The following CCSER1 variants were observed in gnomAD, a reference collection of about 807,000 sequenced individuals.
CCSER1 encodes coiled-coil serine rich protein 1, also known as serine-rich coiled-coil domain-containing protein 1.
CCSER1 carries 41 observed loss-of-function variants against 82.0 expected under a neutral mutation model. The ratio of observed to expected loss-of-function variants is 0.50; its 90% CI spans 0.39 to 0.65. The LOEUF (loss-of-function observed/expected upper bound fraction) is 0.65, where lower values mean the gene tolerates loss of function less well. Ranked by LOEUF, CCSER1 falls within the 30% of genes least tolerant of loss-of-function variation. CCSER1 has a pLI of 0.00. For missense variants in CCSER1, 1,119 were observed against 1,064.2 expected, an observed-to-expected ratio of 1.05 and a Z score of -0.72; for synonymous variants, 414 against 383.9, an observed-to-expected ratio of 1.08 and a Z score of -0.92.
chr4:91,192,259 A>G (rs546305809), intron 10 of CCSER1, among the ~76,000 whole-genome samples: 58 of 151,546 alleles, frequency 3.8e-4, no homozygotes, highest in African/African-American at 1.2e-3. Context: ...TCCTTTGGCT[A>G]TTTTCTCACC....
At chr4:91,023,449 C>T (rs896884866) in intron 9 of CCSER1, among the ~76,000 whole-genome samples, 3 of 152,040 alleles carry the variant, frequency 2.0e-5, no homozygotes, top group African/African-American at 7.2e-5. Flanking sequence ...GTACTGGTAC[C>T]AAAACAGAGA....
At chr4:91,225,982 C>A (rs766775405) in intron 10 of CCSER1, among the ~76,000 whole-genome samples, 12 of 151,768 alleles carry the variant, frequency 7.9e-5, no homozygotes, top group East Asian at 1.9e-4. Flanking sequence ...AGTTGACAGA[C>A]AAAAACATTA....
At chr4:90,252,956 C>T (rs537174705) in intron 1 of CCSER1, among the ~76,000 whole-genome samples, 116 of 151,966 alleles carry the variant, frequency 7.6e-4, no homozygotes, top group African/African-American at 2.7e-3. Context: ...AATGTGGCTC[C>T]TGTAGAAGGC....
chr4:90,970,563 G>A (rs1182862392), intron 9 of CCSER1, among the ~76,000 whole-genome samples: 1 of 151,760 alleles, frequency 6.6e-6, no homozygotes, highest in African/African-American at 2.4e-5. Flanking sequence ...ATTAAATAAG[G>A]AAACAACAGA....
chr4:90,347,726 C>A (rs534422773), intron 3 of CCSER1, among the ~76,000 whole-genome samples: 6 of 151,946 alleles, frequency 3.9e-5, no homozygotes, highest in Admixed American at 1.3e-4. Context: ...GGCAGAGTAA[C>A]TGATAGAAGA....
intron 3 of CCSER1, among the ~76,000 whole-genome samples, chr4:90,333,682 G>A (rs999398242): frequency 2.0e-5 from 3 of 152,144 alleles, no homozygotes; most frequent in African/African-American, 7.2e-5. Flanking sequence ...GTTTAAAAAT[G>A]ATTTTTTACA....
rs574619805 is a variant in CCSER1 at position 90,284,752 on chromosome 4, C to T, written c.-41-23492C>T. 3.3e-5 allele frequency among the ~76,000 whole-genome samples: 5 copies of T among 152,042 alleles called. No individual in the cohort carries two copies. The South Asian group carries it at 1.0e-3, about 32-fold the overall frequency. On this transcript the variant is annotated intron_variant, in intron 1 of 10. Coordinates refer to ENST00000509176, the MANE Select transcript of CCSER1 (RefSeq NM_001145065.2). ...AAGCAATCTGCCCACCTTGGCCTCCCAAAATGCTGGGATTACAGGCATGAG... is the reference window on the plus strand; with the variant it reads ...AAGCAATCTGCCCACCTTGGCCTCCTAAAATGCTGGGATTACAGGCATGAG...
At chr4:90,238,137 A>G (rs546142274) in intron 1 of CCSER1, among the ~76,000 whole-genome samples, 2 of 152,282 alleles carry the variant, frequency 1.3e-5, no homozygotes, top group South Asian at 4.1e-4. Context: ...CATTGTTTGT[A>G]AAAAAATGAT....
intron 10 of CCSER1, among the ~76,000 whole-genome samples, chr4:91,310,241 C>G (rs1745373922): frequency 6.6e-6 from 1 of 151,796 alleles, no homozygotes. Context: ...GATTGGCTGC[C>G]ATTTTATTAT....
intron 4 of CCSER1, among the ~76,000 whole-genome samples, chr4:90,408,355 C>T (rs186597141): frequency 0.01 from 1,545 of 152,312 alleles, 17 homozygotes; most frequent in South Asian, 0.03. Flanking sequence ...TCCCTGACCC[C>T]CGAGTAGCCT....
At chr4:90,365,878 G>C (rs769396531) in intron 3 of CCSER1, among the ~76,000 whole-genome samples, 2 of 151,882 alleles carry the variant, frequency 1.3e-5, no homozygotes, top group Non-Finnish European at 3.0e-5. Flanking sequence ...ATACATGTGA[G>C]ATTATCTTTG....
At chr4:90,750,723 C>A (rs1338035623) in intron 7 of CCSER1, among the ~76,000 whole-genome samples, 1 of 152,088 alleles carries the variant, frequency 6.6e-6, no homozygotes. Flanking sequence ...ATACTGTACA[C>A]ATGATCATAA....
At chr4:91,461,007 A>G (rs80032570) in intron 10 of CCSER1, among the ~76,000 whole-genome samples, 18,602 of 152,210 alleles carry the variant, frequency 0.12, 1,234 homozygotes, top group Middle Eastern at 0.2. Flanking sequence ...GATGTCTCCA[A>G]GACCATGAGT....
At chr4:90,235,573 C>A (rs1484691031) in intron 1 of CCSER1, among the ~76,000 whole-genome samples, 1 of 152,142 alleles carries the variant, frequency 6.6e-6, no homozygotes, top group Non-Finnish European at 1.5e-5. Flanking sequence ...ACTCACATTT[C>A]ATAATCCTGA....
rs774011300 is a variant in CCSER1 at position 90,309,475 on chromosome 4, T to C, written c.1191T>C (p.Tyr397=). Reference sequence around the variant, plus strand: ...ACTCCCCAAGGAAACTTGGATTTTATGAGCAACATAAAGCAATAGCGGAAC... The same window carrying C: ...ACTCCCCAAGGAAACTTGGATTTTACGAGCAACATAAAGCAATAGCGGAAC... The part of the protein sequence containing the change: ...GTNSPRKLGF[Y]EQHKAIAEHV... Residue 397 remains tyrosine, a synonymous_variant, in exon 2 of 11, where the codon TAT becomes TAC. Transcript: ENST00000509176. The C allele has an allele frequency of 2.5e-6, 4 of 1,613,902 alleles. No homozygotes were observed. In the South Asian group the frequency reaches 4.4e-5, roughly 18 times the overall value.
At chr4:91,044,103 A>C (rs964392797) in intron 9 of CCSER1, among the ~76,000 whole-genome samples, 1 of 152,120 alleles carries the variant, frequency 6.6e-6, no homozygotes, top group African/African-American at 2.4e-5. Context: ...AACAAGGAAA[A>C]AGTGTGTGGG....
At chr4:91,000,580 G>A (rs1581301656) in intron 9 of CCSER1, among the ~76,000 whole-genome samples, 1 of 152,052 alleles carries the variant, frequency 6.6e-6, no homozygotes, top group Admixed American at 6.6e-5. Context: ...CCATTTGCCT[G>A]TGTCATCTAT....
chr4:91,352,262 G>GT (rs1437341953), intron 10 of CCSER1, among the ~76,000 whole-genome samples: 5 of 152,048 alleles, frequency 3.3e-5, no homozygotes, highest in Non-Finnish European at 4.4e-5. Context: ...GTTTAGTTTA[G>GT]TTTTTTGAAA....
chr4:91,085,303 A>G (rs1281617593), intron 9 of CCSER1, among the ~76,000 whole-genome samples: 1 of 152,140 alleles, frequency 6.6e-6, no homozygotes, highest in African/African-American at 2.4e-5. Context: ...TAAATAATTT[A>G]TCAGATTAGA....
Sources: gnomAD v4.1 joint callset for allele counts (sites outside exome capture counted in the v4.1 genomes callset) on GRCh38, gnomAD v4.1.1 for gene constraint, MANE v1.5 for transcripts, NCBI Gene and HGNC (gene_info 2026-07-23, HGNC 2026-07-21) for gene names.